PHTF1: variants seen among roughly 807,000 people sequenced by gnomAD.
The protein encoded by PHTF1 is protein PHTF1.
Under a neutral mutation model 102.4 loss-of-function variants are expected in PHTF1, and 88 were observed. The observed-to-expected ratio is 0.86, with a 90% CI of 0.72 to 1.03. The LOEUF is 1.03. PHTF1 is among the 50% of genes least tolerant of loss of function. The pLI, the probability that PHTF1 is intolerant of heterozygous loss-of-function variation, is 0.00. For missense variants in PHTF1, 814 were observed against 909.5 expected (o/e 0.89, Z 1.35); for synonymous variants, 289 against 305.2 (o/e 0.95, Z 0.55).
At chr1:113,723,187 T>G (rs1309190432) in intron 7 of PHTF1, among the ~76,000 whole-genome samples, 2 of 150,812 alleles carry the variant, frequency 1.3e-5, no homozygotes, top group Middle Eastern at 3.4e-3. Context: ...ATTTTTTTTT[T>G]TTTTTTTTGA....
At position 113,697,458 on chromosome 1, in the gene PHTF1, A is replaced by G. The variant is rs1174557835; in HGVS notation, c.*247T>C. 7.2e-6 allele frequency: 3 copies of G among 418,866 alleles called. No individual in the cohort carries two copies. The highest frequency in any genetic ancestry group is 4.2e-5 in the African/African-American group (2 of 48,052). The allele number at this position is 418,866 out of a possible 1,614,324, so 25.9% of individuals were successfully genotyped here. A position where few individuals can be genotyped will look rare whatever the true frequency, so the allele number is the denominator to read the frequency against. On this transcript the variant is annotated 3_prime_UTR_variant, in exon 19 of 19. Coordinates refer to ENST00000369604, the MANE Select transcript of PHTF1 (RefSeq NM_001323043.2). ...AATTGTCTTTGTGTTACCACAACAC[A>G]CACAGTCTTTAGTCAGCTGACTATT...
intron 3 of PHTF1, among the ~76,000 whole-genome samples, chr1:113,750,430 C>A (rs1571249772): frequency 6.6e-6 from 1 of 152,076 alleles, no homozygotes; most frequent in East Asian, 1.9e-4. Context: ...ATGCTATCTT[C>A]AAACAGTGAT....
In PHTF1 at chr1:113,738,561, TAG is replaced by T. The variant is rs975107540; in HGVS notation, c.172+167_172+168del. Among the ~76,000 whole-genome samples the T allele has an allele frequency of 3.3e-5, 5 of 152,240 alleles. No homozygotes were observed. The South Asian group carries it at 6.2e-4, about 19-fold the overall frequency. ...CTTTTACATGTATGCATGTAATTTATAGAGTCACACAGTACTAAGAGGTGGAA... is the reference window on the plus strand; with the variant it reads ...CTTTTACATGTATGCATGTAATTTATAGTCACACAGTACTAAGAGGTGGAA... On this transcript the variant is annotated intron_variant, in intron 4 of 18. Transcript: ENST00000369604.
intron 3 of PHTF1, among the ~76,000 whole-genome samples, chr1:113,743,121 T>C (rs1197735201): frequency 1.3e-5 from 2 of 152,360 alleles, no homozygotes; most frequent in East Asian, 3.9e-4. Context: ...GTCTGTTCTA[T>C]GATAACTTAA....
At chr1:113,706,464 A>G (rs1174749246) in intron 12 of PHTF1, 130 bp downstream of exon 12, 3 of 550,002 alleles carry the variant, frequency 5.5e-6, no homozygotes, top group Middle Eastern at 5.1e-4. Context: ...TAATGTTATT[A>G]TATATAATAT....
At chr1:113,743,556 TATTATC>T (rs1296475761) in intron 3 of PHTF1, among the ~76,000 whole-genome samples, 5 of 152,216 alleles carry the variant, frequency 3.3e-5, no homozygotes, top group Admixed American at 6.5e-5. Flanking sequence ...TATAGTCATT[TATTATC>T]ATTATCAAGT....
At chr1:113,731,692 G>A (rs561155253) in intron 5 of PHTF1, among the ~76,000 whole-genome samples, 43 of 151,404 alleles carry the variant, frequency 2.8e-4, no homozygotes, top group African/African-American at 6.5e-4. Context: ...TCAGGAGTTC[G>A]AGACCAGCCT....
Position 113,724,818 on chromosome 1 carries a change from T to C in PHTF1, c.564A>G (p.Ile188Met). Reference protein sequence around the residue: ...GNNSSDKVRGIETLESVPIIG... With the variant: ...GNNSSDKVRGMETLESVPIIG... ...TAATGGGTACAGATTCCAAAGTTTC[T>C]ATTCCTCTGACTTTATCAGAGGAGT... Residue 188 changes from isoleucine (I) to methionine (M), a missense_variant, in exon 7 of 19, where the codon ATA (isoleucine) becomes ATG (methionine). Physicochemically the swap from Ile to Met is conservative, Grantham distance 10. Transcript: ENST00000369604. 3.7e-6 allele frequency: 6 copies of C among 1,611,472 alleles called. No individual in the cohort carries two copies. Among genetic ancestry groups the C allele is most frequent in the Non-Finnish European group, 5.1e-6 (6 of 1,178,276 alleles).
intron 11 of PHTF1, among the ~76,000 whole-genome samples, chr1:113,708,053 A>C (rs1306404259): frequency 6.6e-6 from 1 of 152,214 alleles, no homozygotes; most frequent in African/African-American, 2.4e-5. Flanking sequence ...GAATGGTCAG[A>C]GATGAGACTG....
intron 3 of PHTF1, among the ~76,000 whole-genome samples, chr1:113,753,281 G>C (rs1329781479): frequency 6.6e-6 from 1 of 152,176 alleles, no homozygotes; most frequent in East Asian, 1.9e-4. Flanking sequence ...GAGCTGAGAA[G>C]TATATTTCCT....
At chr1:113,757,626 T>C (rs922375977) in intron 3 of PHTF1, 73 bp downstream of exon 3, 3 of 952,758 alleles carry the variant, frequency 3.1e-6, no homozygotes, top group South Asian at 1.3e-5. Context: ...ATGCAGAGTT[T>C]ACCAGGTAAG....
chr1:113,750,914 C>T (rs1000299730), intron 3 of PHTF1, among the ~76,000 whole-genome samples: 13 of 151,006 alleles, frequency 8.6e-5, no homozygotes, highest in African/African-American at 2.9e-4. Context: ...GACTAAGTTA[C>T]ACTCCATCAC....
chr1:113,758,936 G>C (rs1210246641), intron 1 of PHTF1, 87 bp downstream of exon 1: 1 of 1,157,066 alleles, frequency 8.6e-7, no homozygotes, highest in African/African-American at 1.6e-5. Context: ...TCGGGCGAGC[G>C]TGTTCGTGGG....
chr1:113,733,060 A>AATTTTTT (rs1169255679), intron 5 of PHTF1, among the ~76,000 whole-genome samples: 1 of 84,164 alleles, frequency 1.2e-5, no homozygotes, highest in African/African-American at 5.1e-5. Flanking sequence ...CGCCTGGCTA[A>AATTTTTT]TTTTTTTTTT....
chr1:113,750,664 T>C (rs1020448393), intron 3 of PHTF1, among the ~76,000 whole-genome samples: 4 of 151,030 alleles, frequency 2.6e-5, no homozygotes, highest in African/African-American at 9.7e-5. Flanking sequence ...CGAGCCATCC[T>C]GGCCAACATG....
intron 7 of PHTF1, among the ~76,000 whole-genome samples, chr1:113,720,662 G>T (rs1652780501): frequency 6.6e-6 from 1 of 152,172 alleles, no homozygotes; most frequent in South Asian, 2.1e-4. Context: ...GCTTTTCCAG[G>T]TGCACAATGC....
Position 113,699,706 on chromosome 1 carries a change from T to C in PHTF1, c.2140A>G (p.Lys714Glu). The change falls in exon 17 of 19, where the codon AAA becomes GAA. Residue 714 changes from lysine to glutamate, a missense_variant and splice_region_variant. Lys to Glu is a moderately conservative substitution (Grantham distance 56). Coordinates refer to ENST00000369604, the MANE Select transcript of PHTF1 (RefSeq NM_001323043.2). The part of the protein sequence containing the change: ...NVLKLSTKLL[K>E]ELDTPFRLYG... ...GTGTATCATAGCCTATGACTTACTTTCAACAACTTGGTGGACAGCTTTAAT... is the reference window on the plus strand; with the variant it reads ...GTGTATCATAGCCTATGACTTACTTCCAACAACTTGGTGGACAGCTTTAAT... The C allele has an allele frequency of 7.4e-7, 1 of 1,347,594 alleles. No individual in the cohort carries two copies. Among genetic ancestry groups the C allele is most frequent in the Non-Finnish European group, 1.1e-6 (1 of 952,108 alleles). 83.5% of individuals were successfully genotyped at this position (1,347,594 alleles called of 1,614,324 possible). A position where few individuals can be genotyped will look rare whatever the true frequency, so the allele number is the denominator to read the frequency against.
At chr1:113,731,381 T>A (rs2101527270) in intron 5 of PHTF1, among the ~76,000 whole-genome samples, 1 of 149,780 alleles carries the variant, frequency 6.7e-6, no homozygotes, top group African/African-American at 2.5e-5. Flanking sequence ...AAATAAAAAA[T>A]AAAAAACACC....
Position 113,698,306 on chromosome 1 carries a change from C to T in PHTF1, c.2224G>A (p.Ala742Thr). The change falls in exon 18 of 19, where the codon GCT (alanine) becomes ACT (threonine). Residue 742 changes from alanine (A) to threonine (T), a missense_variant. Transcript: ENST00000369604. ...AGATCACTTATAACACCTGAGACAG[C>T]AGAAAGGATAACTACTCTTGTGATA... is the stretch of plus-strand genomic sequence containing the variant. ...YNITRVVILS[A>T]VSGVISDLLG... 6.2e-7 allele frequency: 1 copy of T among 1,608,156 alleles called. No homozygotes were observed. Among genetic ancestry groups the T allele is most frequent in the Non-Finnish European group, 8.5e-7 (1 of 1,174,816 alleles).
Sources: allele counts gnomAD v4.1 joint callset (sites outside exome capture counted in the v4.1 genomes callset), GRCh38; gene constraint gnomAD v4.1.1; transcripts MANE v1.5; gene names NCBI Gene and HGNC (gene_info 2026-07-23, HGNC 2026-07-21).